ATF2: variants seen among roughly 807,000 people sequenced by gnomAD.
ATF2 encodes the protein cyclic AMP-dependent transcription factor ATF-2.
ATF2 carries 24 observed loss-of-function variants against 60.6 expected under a neutral mutation model. The ratio of observed to expected loss-of-function variants is 0.40; its 90% CI spans 0.29 to 0.56. The LOEUF is 0.56. Ranked by LOEUF, ATF2 falls within the 20% of genes least tolerant of loss-of-function variation. The pLI, the probability that ATF2 is intolerant of heterozygous loss-of-function variation, is 0.54. For synonymous variants in ATF2, 206 were observed against 215.4 expected, an observed-to-expected ratio of 0.96 and a Z score of 0.38; for missense variants, 433 against 607.7, an observed-to-expected ratio of 0.71 and a Z score of 3.02.
At chr2:175,146,005 G>C (rs1559113342) in intron 2 of ATF2, among the ~76,000 whole-genome samples, 1 of 152,064 alleles carries the variant, frequency 6.6e-6, no homozygotes, top group Non-Finnish European at 1.5e-5. Context: ...ACAAAAGCCT[G>C]GCAAACATCA....
chr2:175,102,759 A>AG (rs1355446978), intron 10 of ATF2, among the ~76,000 whole-genome samples: 1 of 151,456 alleles, frequency 6.6e-6, no homozygotes. Context: ...CAAAAAAAAG[A>AG]GGAAAAAAAA....
chr2:175,086,733 T>C (rs1694195725), intron 12 of ATF2, among the ~76,000 whole-genome samples: 1 of 152,042 alleles, frequency 6.6e-6, no homozygotes, highest in African/African-American at 2.4e-5. Flanking sequence ...TATAGTAAAT[T>C]CAACAAACTA....
At chr2:175,092,231 A>G (rs1694601780) in intron 12 of ATF2, among the ~76,000 whole-genome samples, 1 of 152,242 alleles carries the variant, frequency 6.6e-6, no homozygotes, top group South Asian at 2.1e-4. Context: ...GTCTCTTACC[A>G]TCAATTATGA....
chr2:175,140,362 T>C (rs1190289785), intron 2 of ATF2, among the ~76,000 whole-genome samples: 1 of 152,168 alleles, frequency 6.6e-6, no homozygotes, highest in Non-Finnish European at 1.5e-5. Context: ...CTCAAAATAA[T>C]TATGCCAAGT....
rs10186571 is a variant in ATF2 at position 175,142,837 on chromosome 2, T to A, written c.-43-6351A>T. ...AACAGCGAGCGAGCAAGAGAGAGAG[T>A]GTGTGTGTGTGTCTGTGTGTGTTTT... On this transcript the variant is annotated intron_variant, in intron 2 of 13. Coordinates refer to ENST00000264110, the MANE Select transcript of ATF2 (RefSeq NM_001880.4). 2.4e-3 allele frequency among the ~76,000 whole-genome samples: 312 copies of A among 130,896 alleles called. 2 individuals are homozygous for A. Among genetic ancestry groups the A allele is most frequent in the African/African-American group, 8.2e-3 (254 of 30,946 alleles). 85.9% of individuals were successfully genotyped at this position (130,896 alleles called of 152,430 possible). A position where few individuals can be genotyped will look rare whatever the true frequency, so the allele number is the denominator to read the frequency against.
intron 3 of ATF2, 152 bp downstream of exon 3, chr2:175,136,260 T>C: frequency 2.8e-6 from 2 of 717,502 alleles, no homozygotes; most frequent in East Asian, 5.2e-5. Flanking sequence ...AAAAACAAAA[T>C]AGGAGTATCA....
chr2:175,158,679 A>T (rs1385489743), intron 1 of ATF2, among the ~76,000 whole-genome samples: 1 of 152,064 alleles, frequency 6.6e-6, no homozygotes, highest in African/African-American at 2.4e-5. Flanking sequence ...AGCCTCCATT[A>T]ATCAAGGCAA....
At chr2:175,090,513 T>C (rs1253978898) in intron 12 of ATF2, among the ~76,000 whole-genome samples, 1 of 152,124 alleles carries the variant, frequency 6.6e-6, no homozygotes, top group African/African-American at 2.4e-5. Context: ...TTTTTCTTTT[T>C]TGGAGAAGTA....
chr2:175,161,051 T>C (rs935548217), intron 1 of ATF2, among the ~76,000 whole-genome samples: 23 of 152,116 alleles, frequency 1.5e-4, no homozygotes, highest in African/African-American at 5.3e-4. Flanking sequence ...AATACAAAGA[T>C]AATTGGATTT....
At chr2:175,155,573 C>T (rs533379713) in intron 1 of ATF2, among the ~76,000 whole-genome samples, 3 of 151,928 alleles carry the variant, frequency 2.0e-5, no homozygotes, top group African/African-American at 4.8e-5. Flanking sequence ...GAGGGAGTTC[C>T]GCAAGAATGA....
chr2:175,106,268 C>T (rs539764132), intron 10 of ATF2, among the ~76,000 whole-genome samples: 13 of 152,156 alleles, frequency 8.5e-5, no homozygotes, highest in Non-Finnish European at 1.5e-4. Flanking sequence ...CAGTAGCTCA[C>T]GCCTGTAATC....
At chr2:175,124,292 A>G (rs1270508150) in intron 4 of ATF2, among the ~76,000 whole-genome samples, 2 of 151,168 alleles carry the variant, frequency 1.3e-5, no homozygotes, top group Admixed American at 6.6e-5. Context: ...GAAAAAAAAA[A>G]AGATTTTTTT....
chr2:175,134,805 G>A (rs759667400), intron 3 of ATF2, among the ~76,000 whole-genome samples: 1 of 151,606 alleles, frequency 6.6e-6, no homozygotes, highest in African/African-American at 2.4e-5. Context: ...GAAAGACGGC[G>A]TGACCCCATC....
At chr2:175,087,418 G>A (rs1694243509) in intron 12 of ATF2, among the ~76,000 whole-genome samples, 1 of 152,126 alleles carries the variant, frequency 6.6e-6, no homozygotes, top group Non-Finnish European at 1.5e-5. Flanking sequence ...CTCTAATAAT[G>A]TGGCTACTCA....
At chr2:175,148,037 T>C (rs1699069545) in intron 2 of ATF2, 1 of 151,832 alleles carries the variant, frequency 6.6e-6, no homozygotes, top group Non-Finnish European at 1.5e-5. Context: ...CAAAATCATA[T>C]TTTAGGACCG....
At chr2:175,148,632 T>C (rs1405472526) in intron 2 of ATF2, among the ~76,000 whole-genome samples, 1 of 152,144 alleles carries the variant, frequency 6.6e-6, no homozygotes, top group Non-Finnish European at 1.5e-5. Flanking sequence ...AACATTAATA[T>C]CAACACAGAG....
At chr2:175,149,999 A>G (rs1699200378) in intron 2 of ATF2, among the ~76,000 whole-genome samples, 1 of 152,172 alleles carries the variant, frequency 6.6e-6, no homozygotes, top group Admixed American at 6.5e-5. Context: ...GTATGATGAC[A>G]CAGACACAGT....
chr2:175,080,683 A>T lies in ATF2; in HGVS notation c.1268T>A (p.Met423Lys). The T allele has an allele frequency of 6.2e-7, 1 of 1,613,006 alleles. No homozygotes were observed. ...LAHKDCPVTA[M>K]QKKSGYHTAD... ...ACTATGATAGCCAGATTTCTTCTGC[A>T]TGGCGGTTACAGGGCAATCTTTATG... is the stretch of plus-strand genomic sequence containing the variant. Residue 423 changes from methionine to lysine, a missense_variant, in exon 13 of 14, where the codon ATG becomes AAG. Around this residue, in one of 5 missense-constraint regions of ATF2, gnomAD observed 114 missense variants for 104.0 expected, o/e 1.10. Coordinates refer to ENST00000264110, the MANE Select transcript of ATF2 (RefSeq NM_001880.4).
chr2:175,091,830 T>G (rs759728647), intron 12 of ATF2, among the ~76,000 whole-genome samples: 1 of 152,236 alleles, frequency 6.6e-6, no homozygotes, highest in Admixed American at 6.5e-5. Context: ...ACCACTGTAC[T>G]TCAGCCCAGG....
Sources: allele counts gnomAD v4.1 joint callset (sites outside exome capture counted in the v4.1 genomes callset), GRCh38; gene constraint gnomAD v4.1.1; regional missense constraint gnomAD v4.1.1; transcripts MANE v1.5; gene names NCBI Gene and HGNC (gene_info 2026-07-23, HGNC 2026-07-21).